METTL16: variants seen among roughly 807,000 people sequenced by gnomAD.
METTL16 encodes RNA N(6)-adenosine-methyltransferase METTL16.
METTL16 carries 19 observed loss-of-function variants against 57.9 expected under a neutral mutation model. The observed-to-expected ratio is 0.33, with a 90% confidence interval of 0.23 to 0.48. The LOEUF (loss-of-function observed/expected upper bound fraction) is 0.48. METTL16 is among the 20% of genes least tolerant of loss of function. The probability of loss-of-function intolerance (pLI) is 0.99; values close to 1 mark genes in which losing one functional copy is unlikely to be tolerated. For missense variants in METTL16, 434 were observed against 691.5 expected (o/e 0.63, Z 4.18); for synonymous variants, 246 against 255.6 (o/e 0.96, Z 0.36).
intron 6 of METTL16, among the ~76,000 whole-genome samples, chr17:2,457,242 G>A (rs1815979877): frequency 6.7e-6 from 1 of 150,160 alleles, no homozygotes; most frequent in African/African-American, 2.5e-5. Flanking sequence ...GGAGGCTGAG[G>A]CAGGAGAATG....
At chr17:2,426,209 AC>A (rs1233192517) in intron 8 of METTL16, among the ~76,000 whole-genome samples, 1 of 151,738 alleles carries the variant, frequency 6.6e-6, no homozygotes, top group Non-Finnish European at 1.5e-5. Context: ...CAGAGAGGAG[AC>A]CCCAGTGCAG....
Position 2,473,643 on chromosome 17 carries a change from T to C in METTL16, c.350A>G (p.Tyr117Cys). 6.2e-7 allele frequency: 1 copy of C among 1,613,878 alleles called. No homozygotes were observed. The highest frequency in any genetic ancestry group is 8.5e-7 in the Non-Finnish European group (1 of 1,179,942). ...ATTCAAGGTTGCTCCAAGTAAGGGG[T>C]AGATGCAAGATGCCCCCGTGCCTAA... ...IDIGTGASCI[Y>C]PLLGATLNGW... The change falls in exon 4 of 10, where the codon TAC (tyrosine) becomes TGC (cysteine). Residue 117 changes from tyrosine to cysteine, a missense_variant. Physicochemically the swap from Tyr to Cys is radical, Grantham distance 194. Transcript: ENST00000263092.
intron 7 of METTL16, among the ~76,000 whole-genome samples, chr17:2,438,513 G>GT (rs1271721144): frequency 6.6e-6 from 1 of 151,720 alleles, no homozygotes; most frequent in African/African-American, 2.4e-5. Context: ...TTTGTTTTTT[G>GT]TTTTTTTGAG....
In METTL16 at chr17:2,473,603, G is replaced by A. The variant is rs748354747; in HGVS notation, c.390C>T (p.Leu130=). ...AACACATATCATCCACTTCTGTTGCGAGGAAATACCAGCCATTCAAGGTTG... is the reference window on the plus strand; with the variant it reads ...AACACATATCATCCACTTCTGTTGCAAGGAAATACCAGCCATTCAAGGTTG... ...LGATLNGWYF[L]ATEVDDMCFN... Residue 130 remains leucine, a synonymous_variant, in exon 4 of 10, where the codon CTC becomes CTT. Transcript: ENST00000263092. The A allele has an allele frequency of 7.6e-5, 122 of 1,613,894 alleles. No individual in the cohort carries two copies. The highest frequency in any genetic ancestry group is 9.7e-5 in the Non-Finnish European group (114 of 1,179,972).
intron 2 of METTL16, among the ~76,000 whole-genome samples, chr17:2,482,503 G>A (rs986388852): frequency 1.3e-5 from 2 of 152,250 alleles, no homozygotes; most frequent in Admixed American, 6.5e-5. Flanking sequence ...ATCAAAATTC[G>A]GGACAGGAAA....
intron 2 of METTL16, among the ~76,000 whole-genome samples, chr17:2,493,591 T>C (rs1045600445): frequency 6.6e-6 from 1 of 151,828 alleles, no homozygotes; most frequent in South Asian, 2.1e-4. Context: ...TAGTGGCACA[T>C]GCCTATAATT....
intron 2 of METTL16, among the ~76,000 whole-genome samples, chr17:2,490,177 G>A (rs2067376451): frequency 6.6e-6 from 1 of 151,886 alleles, no homozygotes; most frequent in Non-Finnish European, 1.5e-5. Flanking sequence ...GATGCGTCGG[G>A]TGGAGACTTC....
intron 2 of METTL16, among the ~76,000 whole-genome samples, chr17:2,490,667 AGAAT>A (rs1366110987): frequency 6.6e-6 from 1 of 152,188 alleles, no homozygotes; most frequent in African/African-American, 2.4e-5. Context: ...CCTTGGTTCT[AGAAT>A]ATCTGCTCTC....
intron 8 of METTL16, among the ~76,000 whole-genome samples, chr17:2,426,571 A>T (rs1020566220): frequency 1.3e-5 from 2 of 151,552 alleles, no homozygotes; most frequent in Non-Finnish European, 2.9e-5. Context: ...TCTACTAAAA[A>T]TATAAAAATT....
intron 2 of METTL16, among the ~76,000 whole-genome samples, chr17:2,478,602 T>C (rs1285206318): frequency 1.3e-5 from 2 of 152,186 alleles, no homozygotes; most frequent in African/African-American, 4.8e-5. Flanking sequence ...AGAACACTCC[T>C]ATCACCCCAA....
intron 4 of METTL16, among the ~76,000 whole-genome samples, chr17:2,469,040 G>A (rs959520797): frequency 1.3e-5 from 2 of 151,800 alleles, no homozygotes; most frequent in African/African-American, 2.4e-5. Context: ...TTCGAGACCT[G>A]CCTGGCCAAC....
chr17:2,448,808 A>AAAT (rs1567890033), intron 6 of METTL16, among the ~76,000 whole-genome samples: 3 of 124,584 alleles, frequency 2.4e-5, no homozygotes, highest in African/African-American at 1.3e-4. Context: ...AATTTAAAAA[A>AAAT]AAAAAAAAAA....
rs1275078363 is a variant in METTL16 at position 2,419,682 on chromosome 17, G to A, written c.*288C>T. The A allele has an allele frequency of 1.7e-6, 1 of 597,890 alleles. No individual in the cohort carries two copies. Among genetic ancestry groups the A allele is most frequent in the Non-Finnish European group, 3.1e-6 (1 of 318,864 alleles). The allele number at this position is 597,890 out of a possible 1,614,324, so 37.0% of individuals were successfully genotyped here. A position where few individuals can be genotyped will look rare whatever the true frequency, so the allele number is the denominator to read the frequency against. Reference sequence around the variant, plus strand: ...GACCTTGCAGAGGCAGTCCAGAGCTGAGGGGCCAGCTTGAGCCAGCTTGCA... The same window carrying A: ...GACCTTGCAGAGGCAGTCCAGAGCTAAGGGGCCAGCTTGAGCCAGCTTGCA... On this transcript the variant is annotated 3_prime_UTR_variant, in exon 10 of 10. Coordinates refer to ENST00000263092, the MANE Select transcript of METTL16 (RefSeq NM_024086.4).
chr17:2,458,816 TTC>T (rs2067129166), intron 6 of METTL16, among the ~76,000 whole-genome samples: 1 of 151,894 alleles, frequency 6.6e-6, no homozygotes, highest in African/African-American at 2.4e-5. Context: ...TTTTTTTTTT[TTC>T]TTTTTTGAGA....
chr17:2,463,326 G>A (rs2067164226), intron 6 of METTL16, among the ~76,000 whole-genome samples: 1 of 152,212 alleles, frequency 6.6e-6, no homozygotes, highest in Non-Finnish European at 1.5e-5. Context: ...ATACAATCAT[G>A]CGGTATTTTC....
intron 8 of METTL16, among the ~76,000 whole-genome samples, chr17:2,423,940 C>T (rs1243626700): frequency 2.6e-5 from 4 of 152,146 alleles, no homozygotes; most frequent in African/African-American, 7.2e-5. Context: ...ACAAAATCGA[C>T]AACTTATTAC....
At chr17:2,464,615 AC>A (rs1444274476) in intron 5 of METTL16, among the ~76,000 whole-genome samples, 6 of 152,138 alleles carry the variant, frequency 3.9e-5, no homozygotes, top group African/African-American at 1.4e-4. Context: ...CCAATCTGTC[AC>A]TTTTTCTTTA....
intron 6 of METTL16, among the ~76,000 whole-genome samples, chr17:2,453,329 G>A (rs1289708083): frequency 6.6e-6 from 1 of 152,140 alleles, no homozygotes; most frequent in Non-Finnish European, 1.5e-5. Flanking sequence ...TCATGTACTT[G>A]TCATGTCTCT....
chr17:2,474,935 A>G (rs2067259659), intron 3 of METTL16, among the ~76,000 whole-genome samples: 1 of 152,038 alleles, frequency 6.6e-6, no homozygotes, highest in Non-Finnish European at 1.5e-5. Flanking sequence ...CTCTCTTACA[A>G]TATTGACTAT....
Sources: allele counts gnomAD v4.1 joint callset (sites outside exome capture counted in the v4.1 genomes callset), GRCh38; gene constraint gnomAD v4.1.1; transcripts MANE v1.5; gene names NCBI Gene and HGNC (gene_info 2026-07-23, HGNC 2026-07-21).